Variants in COL13A1 observed in about 807,000 individuals in gnomAD.
COL13A1 encodes the protein collagen type XIII alpha 1 chain.
COL13A1 carries 89 observed loss-of-function variants against 130.9 expected under a neutral mutation model. The ratio of observed to expected loss-of-function variants is 0.68; its 90% CI spans 0.57 to 0.81. The LOEUF is 0.81. COL13A1 is among the 30% of genes least tolerant of loss of function. The probability of loss-of-function intolerance (pLI) is 0.00; values close to 1 mark genes in which losing one functional copy is unlikely to be tolerated. For synonymous variants in COL13A1, 402 were observed against 341.6 expected (o/e 1.18, Z -1.95); for missense variants, 879 against 934.6 (o/e 0.94, Z 0.78).
At position 69,921,954 on chromosome 10, in the gene COL13A1, G is replaced by A. The variant is rs1341740467; in HGVS notation, c.1143+19G>A. The A allele has an allele frequency of 2.5e-6, 4 of 1,596,420 alleles. No homozygotes were observed. The highest frequency in any genetic ancestry group is 3.5e-5 in the Admixed American group (2 of 57,694). ...GCAGAAGGTAGGTGTTGCTCTGAAT[G>A]GAGGGTTCAAGTCCTTCGTCACCCA... On this transcript the variant is annotated intron_variant, in intron 22 of 40. Coordinates refer to ENST00000645393, the MANE Select transcript of COL13A1 (RefSeq NM_001368882.1).
At chr10:69,817,035 G>A (rs189512065) in intron 1 of COL13A1, among the ~76,000 whole-genome samples, 33 of 152,310 alleles carry the variant, frequency 2.2e-4, no homozygotes, top group African/African-American at 7.9e-4. Context: ...AATCCAGCTT[G>A]CAGCCCATTT....
At chr10:69,883,099 T>A (rs1158612682) in intron 7 of COL13A1, among the ~76,000 whole-genome samples, 1 of 152,178 alleles carries the variant, frequency 6.6e-6, no homozygotes, top group Non-Finnish European at 1.5e-5. Flanking sequence ...CTGCCTCCCC[T>A]CTTGGAGTTT....
In COL13A1 at chr10:69,904,747, G is replaced by A. The variant is rs189602204; in HGVS notation, c.859-186G>A. Among the ~76,000 whole-genome samples, 9 of 152,208 alleles carry A rather than the reference G, an allele frequency of 5.9e-5. No individual in the cohort carries two copies. In the East Asian group the frequency reaches 1.2e-3, roughly 20 times the overall value. ...AGGGACATAAGCCTGTTATCCCCAC[G>A]TGCCCTCAGCAGGTTTCAGATCCCC... is the stretch of plus-strand genomic sequence containing the variant. On this transcript the variant is annotated intron_variant, in intron 15 of 40. Coordinates refer to ENST00000645393, the MANE Select transcript of COL13A1 (RefSeq NM_001368882.1).
rs551977675 is a variant in COL13A1, at chr10:69,812,182, A to G, written c.294+9465A>G. On this transcript the variant is annotated intron_variant, in intron 1 of 40. Transcript: ENST00000645393. Reference sequence around the variant, plus strand: ...GCTAAATGTGACCCATATGGCCTTCAGGTGCAGCCCTTGTCACTCTCTCCA... The same window carrying G: ...GCTAAATGTGACCCATATGGCCTTCGGGTGCAGCCCTTGTCACTCTCTCCA... 3.2e-4 allele frequency among the ~76,000 whole-genome samples: 48 copies of G among 152,342 alleles called. 1 individual carries two copies. Among genetic ancestry groups the G allele is most frequent in the African/African-American group, 1.1e-3 (45 of 41,588 alleles).
At position 69,889,312 on chromosome 10, in the gene COL13A1, G is replaced by GACA; in HGVS notation, c.577-102_577-101insACA. 6 of 848,210 alleles carry GACA rather than the reference G, an allele frequency of 7.1e-6. No individual in the cohort carries two copies. In the South Asian group the frequency reaches 7.1e-5, roughly 10 times the overall value. The allele number at this position is 848,210 out of a possible 1,614,324, so 52.5% of individuals were successfully genotyped here. A position where few individuals can be genotyped will look rare whatever the true frequency, so the allele number is the denominator to read the frequency against. ...ACAGGGGACAGGGAGGAGCACGGGG[G>GACA]GCAGGGAGGAGCACAGGGGGCAGGG... is the stretch of plus-strand genomic sequence containing the variant. On this transcript the variant is annotated intron_variant, in intron 9 of 40. Coordinates refer to ENST00000645393, the MANE Select transcript of COL13A1 (RefSeq NM_001368882.1).
At chr10:69,891,818 C>T (rs1227868595) in intron 10 of COL13A1, among the ~76,000 whole-genome samples, 1 of 152,206 alleles carries the variant, frequency 6.6e-6, no homozygotes, top group African/African-American at 2.4e-5. Context: ...CTTATCATCC[C>T]CACTTCATGA....
chr10:69,811,111 C>T (rs969830039), intron 1 of COL13A1, among the ~76,000 whole-genome samples: 2 of 152,254 alleles, frequency 1.3e-5, no homozygotes, highest in Non-Finnish European at 2.9e-5. Flanking sequence ...CATCCTCACT[C>T]CCACCCCAGC....
At chr10:69,940,238 C>G (rs1052046638) in intron 34 of COL13A1, among the ~76,000 whole-genome samples, 4 of 151,632 alleles carry the variant, frequency 2.6e-5, no homozygotes, top group African/African-American at 9.7e-5. Flanking sequence ...TGCCCATTTG[C>G]TCTGGGAAAT....
chr10:69,802,803 CG>C, intron 1 of COL13A1, 86 bp downstream of exon 1: 1 of 1,535,252 alleles, frequency 6.5e-7, no homozygotes, highest in South Asian at 1.2e-5. Flanking sequence ...TGTCCGCGGG[CG>C]CTCGCTCTCT....
Position 69,888,308 on chromosome 10 carries a change from C to G in COL13A1, c.554C>G (p.Pro185Arg). The G allele has an allele frequency of 6.2e-7, 1 of 1,612,966 alleles. No individual in the cohort carries two copies. The highest frequency in any genetic ancestry group is 8.5e-7 in the Non-Finnish European group (1 of 1,179,552). ...ATCTGGCCTTTCTGGTTTCAGGGTC[C>G]CATTGGGCTGGACGGCAAACCGGTA... ...GTRGFPGFPG[P>R]IGLDGKPGHP... The change falls in exon 9 of 41, where the codon CCC becomes CGC. Residue 185 changes from proline (P) to arginine (R), a missense_variant. Transcript: ENST00000645393.
At chr10:69,860,161 G>T (rs1234699268) in intron 2 of COL13A1, among the ~76,000 whole-genome samples, 4 of 152,096 alleles carry the variant, frequency 2.6e-5, no homozygotes, top group Non-Finnish European at 5.9e-5. Context: ...AGCAGTAGAC[G>T]CAGTGACCAG....
In COL13A1 at chr10:69,918,310, G is replaced by C. The variant is rs748273831; in HGVS notation, c.992G>C (p.Gly331Ala). The change falls in exon 19 of 41, where the codon GGG becomes GCG. Residue 331 changes from glycine (G) to alanine (A), a missense_variant. Gly to Ala is a moderately conservative substitution (Grantham distance 60, BLOSUM62 0). Transcript: ENST00000645393. Reference protein sequence around the residue: ...AKGAPGIAVAGMKGEPGIPGT... With the variant: ...AKGAPGIAVAAMKGEPGIPGT... Reference sequence around the variant, plus strand: ...GGGGCGCCCGGAATTGCCGTGGCTGGGATGAAGGTCAGTGGACTGTTGTAA... The same window carrying C: ...GGGGCGCCCGGAATTGCCGTGGCTGCGATGAAGGTCAGTGGACTGTTGTAA... 1 of 1,613,202 alleles carries C rather than the reference G, an allele frequency of 6.2e-7. No individual in the cohort carries two copies. The highest frequency in any genetic ancestry group is 1.1e-5 in the South Asian group (1 of 91,016).
At chr10:69,945,035 T>C (rs1014791080) in intron 36 of COL13A1, among the ~76,000 whole-genome samples, 1 of 152,034 alleles carries the variant, frequency 6.6e-6, no homozygotes, top group African/African-American at 2.4e-5. Flanking sequence ...AGGGTGAGGG[T>C]GGAGGGTGTC....
chr10:69,851,717 C>T (rs768389419), intron 2 of COL13A1, among the ~76,000 whole-genome samples: 21 of 152,184 alleles, frequency 1.4e-4, no homozygotes, highest in Middle Eastern at 3.4e-3. Context: ...TGCAGCAGTG[C>T]GATCTCAGCT....
At chr10:69,942,818 G>A (rs778273538) in intron 35 of COL13A1, among the ~76,000 whole-genome samples, 8 of 152,200 alleles carry the variant, frequency 5.3e-5, no homozygotes, top group South Asian at 2.1e-4. Context: ...ACATGACTCC[G>A]TGGCGCTGTG....
chr10:69,856,490 C>T (rs984413006), intron 2 of COL13A1, among the ~76,000 whole-genome samples: 63 of 152,284 alleles, frequency 4.1e-4, no homozygotes, highest in African/African-American at 1.5e-3. Context: ...CTGTGCCCAT[C>T]ATAAATCTTA....
At chr10:69,862,887 A>G (rs529294883) in intron 2 of COL13A1, among the ~76,000 whole-genome samples, 2 of 152,348 alleles carry the variant, frequency 1.3e-5, no homozygotes, top group East Asian at 1.9e-4. Context: ...GCATAGCGTC[A>G]GGCACAGAGT....
chr10:69,941,086 T>C (rs1347120818), intron 35 of COL13A1, 63 bp downstream of exon 35: 31 of 1,612,100 alleles, frequency 1.9e-5, no homozygotes, highest in Non-Finnish European at 2.6e-5. Flanking sequence ...TGTGATCCCT[T>C]TTGTCTGTCC....
At position 69,933,832 on chromosome 10, in the gene COL13A1, C is replaced by T. The variant is rs183398501; in HGVS notation, c.1728+1228C>T. Among the ~76,000 whole-genome samples, 628 of 152,264 alleles carry T rather than the reference C, an allele frequency of 4.1e-3. 1 individual carries two copies. Among genetic ancestry groups the T allele is most frequent in the South Asian group, 9.7e-3 (47 of 4,826 alleles). On this transcript the variant is annotated intron_variant, in intron 31 of 40. Coordinates refer to ENST00000645393, the MANE Select transcript of COL13A1 (RefSeq NM_001368882.1). ...ATACTAATAGTAATAATAGTCACCA[C>T]GTCTGAGCACTTCCCTCGTGCCAAG...
Sources: allele counts gnomAD v4.1 joint callset (sites outside exome capture counted in the v4.1 genomes callset), GRCh38; gene constraint gnomAD v4.1.1; transcripts MANE v1.5; gene names NCBI Gene and HGNC (gene_info 2026-07-23, HGNC 2026-07-21).